The following RBM20 variants were observed in gnomAD, a reference collection of about 807,000 sequenced individuals.
RBM20 encodes RNA-binding protein 20.
RBM20 carries 51 observed loss-of-function variants against 110.1 expected under a neutral mutation model. The observed-to-expected ratio is 0.46, with a 90% CI of 0.37 to 0.59. The LOEUF (loss-of-function observed/expected upper bound fraction) is 0.59, where lower values mean the gene tolerates loss of function less well. RBM20 is among the 20% of genes least tolerant of loss of function. The pLI is 0.00. For missense variants in RBM20, 1,512 were observed against 1,574.9 expected (o/e 0.96, Z 0.68); for synonymous variants, 589 against 618.2 (o/e 0.95, Z 0.70).
At chr10:110,813,322 G>A (rs915912459) in intron 9 of RBM20, among the ~76,000 whole-genome samples, 5 of 152,206 alleles carry the variant, frequency 3.3e-5, no homozygotes, top group Non-Finnish European at 5.9e-5. Context: ...GGAAAGGCCT[G>A]TAGTCCTGTT....
intron 1 of RBM20, among the ~76,000 whole-genome samples, chr10:110,758,784 T>C (rs1843955536): frequency 1.3e-5 from 2 of 152,090 alleles, no homozygotes; most frequent in South Asian, 4.2e-4. Context: ...ATGTGGCAAA[T>C]AGCTATCCTA....
intron 9 of RBM20, among the ~76,000 whole-genome samples, chr10:110,814,716 G>T (rs199702257): frequency 6.6e-6 from 1 of 152,124 alleles, no homozygotes; most frequent in African/African-American, 2.4e-5. Context: ...GGCTGGTCTC[G>T]AACTGCTGAC....
intron 1 of RBM20, among the ~76,000 whole-genome samples, chr10:110,686,458 A>C (rs1181645972): frequency 6.6e-6 from 1 of 151,968 alleles, no homozygotes; most frequent in Admixed American, 6.6e-5. Flanking sequence ...TCTGATTTTA[A>C]TGTGCTTTTT....
chr10:110,828,397 C>T (rs1845008515), intron 12 of RBM20, among the ~76,000 whole-genome samples: 1 of 152,186 alleles, frequency 6.6e-6, no homozygotes, highest in African/African-American at 2.4e-5. Flanking sequence ...GTTTCTCCTC[C>T]CCCAGGCTTC....
intron 1 of RBM20, among the ~76,000 whole-genome samples, chr10:110,742,983 C>G (rs1843738955): frequency 6.6e-6 from 1 of 152,212 alleles, no homozygotes; most frequent in African/African-American, 2.4e-5. Flanking sequence ...CCCGGGCTGT[C>G]ATCAAGTCAG....
rs567519009 is a variant in RBM20 at position 110,667,402 on chromosome 10, G to A, written c.191+22757G>A. Among the ~76,000 whole-genome samples the A allele has an allele frequency of 4.6e-5, 7 of 152,168 alleles. 1 individual carries two copies. In the South Asian group the frequency reaches 6.2e-4, roughly 14 times the overall value. Reference sequence around the variant, plus strand: ...GAGGAGGCTCAGTGCTCTAAGGATGGCATTTTTTCTACCTGGCTCCATTTT... The same window carrying A: ...GAGGAGGCTCAGTGCTCTAAGGATGACATTTTTTCTACCTGGCTCCATTTT... On this transcript the variant is annotated intron_variant, in intron 1 of 13. Coordinates refer to ENST00000369519, the MANE Select transcript of RBM20 (RefSeq NM_001134363.3).
chr10:110,674,127 CAGGT>C (rs1590609141), intron 1 of RBM20, among the ~76,000 whole-genome samples: 2 of 152,032 alleles, frequency 1.3e-5, no homozygotes, highest in Non-Finnish European at 2.9e-5. Context: ...ATTTGTGTGT[CAGGT>C]GGGTGGGAAG....
chr10:110,690,033 T>C (rs1487271086), intron 1 of RBM20, among the ~76,000 whole-genome samples: 1 of 152,240 alleles, frequency 6.6e-6, no homozygotes, highest in Non-Finnish European at 1.5e-5. Flanking sequence ...TTAAAAACCC[T>C]GGAAATGAGT....
In RBM20 at chr10:110,766,331, TG is replaced by T. The variant is rs374003347; in HGVS notation, c.192-14469del. The stretch of plus-strand genomic sequence containing the variant: ...TAACTTTGTTTTTTTTTTTGTTTTT[TG>T]TTTTTTGTTTTAATTGATCATTCTT... On this transcript the variant is annotated intron_variant, in intron 1 of 13. Transcript: ENST00000369519. 3.8e-3 allele frequency among the ~76,000 whole-genome samples: 577 copies of T among 152,204 alleles called. 5 individuals carry two copies. Among genetic ancestry groups the T allele is most frequent in the African/African-American group, 0.013 (549 of 41,480 alleles).
intron 1 of RBM20, chr10:110,756,591 G>T (rs1843924951): frequency 6.6e-6 from 1 of 152,250 alleles, no homozygotes; most frequent in South Asian, 2.1e-4. Flanking sequence ...GCTCATGGCA[G>T]TGAATGTGAC....
At chr10:110,716,810 G>C (rs1863024826) in intron 1 of RBM20, among the ~76,000 whole-genome samples, 1 of 151,726 alleles carries the variant, frequency 6.6e-6, no homozygotes, top group African/African-American at 2.4e-5. Flanking sequence ...CCAGCTACTT[G>C]AGAGGCTGAG....
At chr10:110,674,073 T>C (rs1487516759) in intron 1 of RBM20, among the ~76,000 whole-genome samples, 1 of 152,200 alleles carries the variant, frequency 6.6e-6, no homozygotes, top group Non-Finnish European at 1.5e-5. Context: ...CCAAACTTGC[T>C]GCCTGAAGAG....
intron 1 of RBM20, among the ~76,000 whole-genome samples, chr10:110,700,708 T>C (rs553750100): frequency 1.3e-5 from 2 of 152,248 alleles, no homozygotes; most frequent in East Asian, 3.9e-4. Context: ...GGAAATGGGA[T>C]GGGCAACAAA....
chr10:110,737,374 T>C (rs1358484825), intron 1 of RBM20, among the ~76,000 whole-genome samples: 3 of 151,994 alleles, frequency 2.0e-5, no homozygotes, highest in Non-Finnish European at 4.4e-5. Flanking sequence ...TTTCTATTGT[T>C]TTTAAGTTAC....
At chr10:110,798,449 T>A (rs373261696) in intron 6 of RBM20, among the ~76,000 whole-genome samples, 14 of 152,324 alleles carry the variant, frequency 9.2e-5, no homozygotes, top group African/African-American at 3.1e-4. Flanking sequence ...TTCCTACTTC[T>A]CAGAAATTCT....
At chr10:110,656,163 G>A (rs753763340) in intron 1 of RBM20, among the ~76,000 whole-genome samples, 2 of 152,082 alleles carry the variant, frequency 1.3e-5, no homozygotes, top group Non-Finnish European at 2.9e-5. Context: ...TTTGCCGGGC[G>A]TGGTGGTGGG....
Position 110,821,773 on chromosome 10 carries a change from G to T in RBM20, c.3154G>T (p.Ala1052Ser). ...CCAGCAAATGTCTTCCCCTAAGCCA[G>T]CAGAGGAGAGGGCCCGGCAGCCAAG... is the stretch of plus-strand genomic sequence containing the variant. ...TVQQMSSPKPAEERARQPSPF... is the reference protein window; with the variant it reads ...TVQQMSSPKPSEERARQPSPF... Residue 1052 changes from alanine (A) to serine (S), a missense_variant, in exon 11 of 14, where the codon GCA becomes TCA. Physicochemically the swap from Ala to Ser is moderately conservative, Grantham distance 99 (BLOSUM62 1). Coordinates refer to ENST00000369519, the MANE Select transcript of RBM20 (RefSeq NM_001134363.3). 6.4e-7 allele frequency: 1 copy of T among 1,551,788 alleles called. No homozygotes were observed. Among genetic ancestry groups the T allele is most frequent in the Non-Finnish European group, 8.7e-7 (1 of 1,147,004 alleles).
At chr10:110,664,777 A>C (rs1264873286) in intron 1 of RBM20, among the ~76,000 whole-genome samples, 1 of 151,990 alleles carries the variant, frequency 6.6e-6, no homozygotes, top group Non-Finnish European at 1.5e-5. Flanking sequence ...AAAATAAATA[A>C]AAATAAAAAA....
chr10:110,801,132 T>G (rs1844617007), intron 7 of RBM20, among the ~76,000 whole-genome samples: 1 of 152,174 alleles, frequency 6.6e-6, no homozygotes, highest in Non-Finnish European at 1.5e-5. Flanking sequence ...CTACTAGTAG[T>G]GTATTAGAGT....
Sources: allele counts gnomAD v4.1 joint callset (sites outside exome capture counted in the v4.1 genomes callset), GRCh38; gene constraint gnomAD v4.1.1; transcripts MANE v1.5; gene names NCBI Gene and HGNC (gene_info 2026-07-23, HGNC 2026-07-21).